GREB1L: variants seen among roughly 807,000 people sequenced by gnomAD.
GREB1L encodes the protein GREB1-like protein.
A neutral mutation model predicts 200.8 loss-of-function variants in GREB1L; 17 were observed. That is an observed-to-expected ratio of 0.08 (90% confidence interval 0.06 to 0.13). The LOEUF (loss-of-function observed/expected upper bound fraction) is 0.13, where lower values mean the gene tolerates loss of function less well. Ranked by LOEUF, GREB1L falls within the 10% of genes least tolerant of loss-of-function variation. The pLI, the probability that GREB1L is intolerant of heterozygous loss-of-function variation, is 1.00. For synonymous variants in GREB1L, 789 were observed against 893.0 expected, an observed-to-expected ratio of 0.88 and a Z score of 2.08; for missense variants, 1,657 against 2,367.7, an observed-to-expected ratio of 0.70 and a Z score of 6.23.
chr18:21,244,132 G>A (rs1194887402), intron 1 of GREB1L, among the ~76,000 whole-genome samples: 1 of 152,160 alleles, frequency 6.6e-6, no homozygotes, highest in South Asian at 2.1e-4. Flanking sequence ...TCAGTTAGAG[G>A]GCTAAAAATC....
intron 17 of GREB1L, among the ~76,000 whole-genome samples, chr18:21,478,121 C>A (rs1308043869): frequency 6.6e-6 from 1 of 152,176 alleles, no homozygotes; most frequent in African/African-American, 2.4e-5. Context: ...TAATTACTCT[C>A]TTGCTCCTCC....
chr18:21,291,969 T>G (rs1042500081), intron 1 of GREB1L, among the ~76,000 whole-genome samples: 4 of 152,234 alleles, frequency 2.6e-5, no homozygotes, highest in Admixed American at 1.3e-4. Flanking sequence ...GGCTTGGATG[T>G]TATTTTCAGT....
chr18:21,408,442 A>G (rs2030544292), intron 7 of GREB1L, among the ~76,000 whole-genome samples: 2 of 152,190 alleles, frequency 1.3e-5, no homozygotes, highest in Non-Finnish European at 2.9e-5. Flanking sequence ...ATAGATACAA[A>G]TGGCTAATAA....
At chr18:21,314,061 A>G (rs2038831629) in intron 1 of GREB1L, among the ~76,000 whole-genome samples, 1 of 152,224 alleles carries the variant, frequency 6.6e-6, no homozygotes, top group Non-Finnish European at 1.5e-5. Context: ...TATAGCAAAA[A>G]CAATAAGAGA....
chr18:21,408,561 G>A (rs13381565), intron 7 of GREB1L, among the ~76,000 whole-genome samples: 49,543 of 151,926 alleles, frequency 0.33, 11,168 homozygotes, highest in African/African-American at 0.61. Context: ...TTGGGAGGCC[G>A]AGGCAGGTGG....
chr18:21,485,982 T>C (rs1245361967), intron 18 of GREB1L, among the ~76,000 whole-genome samples: 3 of 152,176 alleles, frequency 2.0e-5, no homozygotes, highest in Admixed American at 2.0e-4. Flanking sequence ...GCACTACTTT[T>C]CATGCTGAGT....
chr18:21,441,628 TATTC>T (rs1191941869), intron 10 of GREB1L, 91 bp downstream of exon 10: 6 of 1,150,994 alleles, frequency 5.2e-6, no homozygotes, highest in Non-Finnish European at 7.3e-6. Flanking sequence ...TTCATGAAGA[TATTC>T]ATCCATCTGT....
At chr18:21,462,935 C>T (rs1224769544) in intron 15 of GREB1L, among the ~76,000 whole-genome samples, 2 of 151,970 alleles carry the variant, frequency 1.3e-5, no homozygotes, top group African/African-American at 2.4e-5. Flanking sequence ...AACCACACAG[C>T]AAAAAGAATT....
chr18:21,402,963 C>T (rs1394385574), intron 6 of GREB1L, among the ~76,000 whole-genome samples: 1 of 151,564 alleles, frequency 6.6e-6, no homozygotes, highest in Non-Finnish European at 1.5e-5. Flanking sequence ...GCGTATATTA[C>T]CTATTGGAGA....
At chr18:21,245,050 C>T (rs775409524) in intron 1 of GREB1L, among the ~76,000 whole-genome samples, 2 of 152,110 alleles carry the variant, frequency 1.3e-5, no homozygotes, top group Non-Finnish European at 2.9e-5. Flanking sequence ...TATTAGGAAA[C>T]TTCTAATTTG....
chr18:21,252,076 T>TA (rs2037715748), intron 1 of GREB1L, among the ~76,000 whole-genome samples: 1 of 152,100 alleles, frequency 6.6e-6, no homozygotes, highest in Non-Finnish European at 1.5e-5. Context: ...ACAGAACCAC[T>TA]ATTCCAAATG....
chr18:21,515,293 C>T (rs1364573955), intron 28 of GREB1L, 124 bp from the exon 29 acceptor site: 25 of 692,644 alleles, frequency 3.6e-5, no homozygotes, highest in African/African-American at 1.6e-4. Flanking sequence ...TTTGCTAATA[C>T]GAAGTAAATC....
At chr18:21,503,897 T>TA (rs1043936953) in intron 23 of GREB1L, among the ~76,000 whole-genome samples, 15 of 151,734 alleles carry the variant, frequency 9.9e-5, no homozygotes, top group Non-Finnish European at 1.3e-4. Flanking sequence ...AAATATCTGT[T>TA]AGACACCAGC....
At chr18:21,377,092 C>T (rs1466789198) in intron 2 of GREB1L, among the ~76,000 whole-genome samples, 1 of 152,096 alleles carries the variant, frequency 6.6e-6, no homozygotes, top group African/African-American at 2.4e-5. Context: ...ATTAATTGCT[C>T]CAAATGCAGA....
chr18:21,485,529 A>T, intron 17 of GREB1L, 91 bp from the exon 18 acceptor site: 1 of 1,161,040 alleles, frequency 8.6e-7, no homozygotes, highest in Non-Finnish European at 1.2e-6. Flanking sequence ...ATAACCTCTT[A>T]CAGCGGTCAT....
intron 1 of GREB1L, among the ~76,000 whole-genome samples, chr18:21,285,772 C>T (rs2038345147): frequency 6.6e-6 from 1 of 152,128 alleles, no homozygotes; most frequent in African/African-American, 2.4e-5. Flanking sequence ...GAATTTAATG[C>T]CATACTAAGT....
At chr18:21,504,067 T>TG (rs34241872) in intron 23 of GREB1L, among the ~76,000 whole-genome samples, 149,591 of 152,266 alleles carry the variant, frequency 0.98, 73,536 homozygotes, top group East Asian at 1. Context: ...CCTGAGTAGC[T>TG]GGACTACAGG....
chr18:21,435,284 G>A (rs375702478), intron 7 of GREB1L, among the ~76,000 whole-genome samples: 1 of 152,186 alleles, frequency 6.6e-6, no homozygotes, highest in South Asian at 2.1e-4. Flanking sequence ...AATGACACTT[G>A]TTACTTGGAA....
intron 1 of GREB1L, among the ~76,000 whole-genome samples, chr18:21,247,058 C>G (rs1012729415): frequency 6.6e-6 from 1 of 152,184 alleles, no homozygotes; most frequent in Non-Finnish European, 1.5e-5. Flanking sequence ...AATATACACC[C>G]AACATGGATA....
Sources: gnomAD v4.1 joint callset for allele counts (sites outside exome capture counted in the v4.1 genomes callset) on GRCh38, gnomAD v4.1.1 for gene constraint, MANE v1.5 for transcripts, NCBI Gene and HGNC (gene_info 2026-07-23, HGNC 2026-07-21) for gene names.